RFX6: variants seen among roughly 807,000 people sequenced by gnomAD.
RFX6 encodes the protein regulatory factor X6, also known as DNA-binding protein RFX6.
In RFX6, 50 loss-of-function variants were observed where a neutral mutation model predicts 110.8. The ratio of observed to expected loss-of-function variants is 0.45; its 90% confidence interval spans 0.36 to 0.57. The LOEUF (loss-of-function observed/expected upper bound fraction) is 0.57, where lower values mean the gene tolerates loss of function less well. RFX6 is among the 20% of genes least tolerant of loss of function. The probability of loss-of-function intolerance (pLI) is 0.00; values close to 1 mark genes in which losing one functional copy is unlikely to be tolerated. For missense variants in RFX6, 990 were observed against 1,127.0 expected (o/e 0.88, Z 1.74); for synonymous variants, 383 against 411.2 (o/e 0.93, Z 0.83).
At position 116,927,615 on chromosome 6, in the gene RFX6, T is replaced by G. The variant is rs889326383; in HGVS notation, c.2398+76T>G. 1.6e-5 allele frequency: 19 copies of G among 1,184,362 alleles called. No individual in the cohort carries two copies. The African/African-American group carries it at 2.9e-4, about 18-fold the overall frequency. 73.4% of individuals were successfully genotyped at this position (1,184,362 alleles called of 1,614,324 possible). A position where few individuals can be genotyped will look rare whatever the true frequency, so the allele number is the denominator to read the frequency against. ...AAAATCAGACATTGCGTTCCACCTC[T>G]GCTGACTAGCATGTCCTTTCATTTA... On this transcript the variant is annotated intron_variant, in intron 17 of 18. Transcript: ENST00000332958.
chr6:116,927,214 A>G lies in RFX6; in HGVS notation c.2073A>G (p.Gln691=), dbSNP rs748991247. 5.6e-6 allele frequency: 9 copies of G among 1,614,056 alleles called. No homozygotes were observed. In the South Asian group the frequency reaches 9.9e-5, roughly 18 times the overall value. Reference sequence around the variant, plus strand: ...AGCCCATTTATCCCACTCTCCCTCAAGCCAATCATGACTTTTATAGCACCA... The same window carrying G: ...AGCCCATTTATCCCACTCTCCCTCAGGCCAATCATGACTTTTATAGCACCA... ...YPEPIYPTLP[Q]ANHDFYSTSS... is the part of the protein sequence containing the mutation. The change falls in exon 17 of 19, where the codon CAA becomes CAG. Residue 691 remains glutamine (Q), a synonymous_variant. Coordinates refer to ENST00000332958, the MANE Select transcript of RFX6 (RefSeq NM_173560.4).
Position 116,877,256 on chromosome 6 carries a change from G to A in RFX6, c.-20G>A. On this transcript the variant is annotated 5_prime_UTR_variant, in exon 1 of 19. Coordinates refer to ENST00000332958, the MANE Select transcript of RFX6 (RefSeq NM_173560.4). ...GAACCGGCCGAGCGGCGCGCGCGGA[G>A]GTGTCCGGCGGCCAGGAGGATGGCC... 1 of 1,586,942 alleles carries A rather than the reference G, an allele frequency of 6.3e-7. No individual in the cohort carries two copies. The highest frequency in any genetic ancestry group is 8.6e-7 in the Non-Finnish European group (1 of 1,164,358).
chr6:116,922,235 G>C (rs1775616508), intron 13 of RFX6, 84 bp downstream of exon 13: 1 of 782,282 alleles, frequency 1.3e-6, no homozygotes. Context: ...TCTGGGGGGA[G>C]AGGGGTGGAA....
intron 12 of RFX6, 68 bp from the exon 13 acceptor site, chr6:116,921,974 T>G (rs939637904): frequency 2.6e-6 from 2 of 759,470 alleles, no homozygotes; most frequent in Non-Finnish European, 4.6e-6. Flanking sequence ...TTAGGTTTTC[T>G]CTTGGATTCC....
intron 5 of RFX6, among the ~76,000 whole-genome samples, chr6:116,894,641 C>T (rs1304344938): frequency 7.1e-6 from 1 of 140,800 alleles, no homozygotes; most frequent in Non-Finnish European, 1.6e-5. Flanking sequence ...AGTGAGGTTA[C>T]ATCTAATGAA....
At position 116,899,483 on chromosome 6, in the gene RFX6, C is replaced by T. The variant is rs575660877; in HGVS notation, c.672+4276C>T. Among the ~76,000 whole-genome samples the T allele has an allele frequency of 2.0e-5, 3 of 152,120 alleles. No individual in the cohort carries two copies. In the South Asian group the frequency reaches 6.2e-4, roughly 32 times the overall value. Reference sequence around the variant, plus strand: ...AACTGTAGATAGAACAAATCTGCAGCAGAGTTTAGGTACCTGACAAAAGAC... The same window carrying T: ...AACTGTAGATAGAACAAATCTGCAGTAGAGTTTAGGTACCTGACAAAAGAC... On this transcript the variant is annotated intron_variant, in intron 6 of 18. Transcript: ENST00000332958.
At chr6:116,923,361 G>T in intron 14 of RFX6, 137 bp downstream of exon 14, 1 of 680,896 alleles carries the variant, frequency 1.5e-6, no homozygotes, top group South Asian at 1.6e-5. Flanking sequence ...TGAGAAAATG[G>T]TATTTATGAG....
intron 14 of RFX6, chr6:116,923,598 C>T (rs890135790): frequency 2.4e-5 from 5 of 209,912 alleles, no homozygotes; most frequent in Non-Finnish European, 4.8e-5. Context: ...GATAAATTTT[C>T]TTTGTTAAAC....
intron 4 of RFX6, among the ~76,000 whole-genome samples, chr6:116,893,345 C>T (rs1355647438): frequency 6.6e-6 from 1 of 152,168 alleles, no homozygotes; most frequent in Non-Finnish European, 1.5e-5. Context: ...CAGTGAGTTG[C>T]TATACTTGTA....
chr6:116,927,633 T>C, intron 17 of RFX6, 94 bp downstream of exon 17: 1 of 990,866 alleles, frequency 1.0e-6, no homozygotes, highest in Non-Finnish European at 1.6e-6. Context: ...AGCATGTCCT[T>C]TCATTTAAGG....
intron 4 of RFX6, among the ~76,000 whole-genome samples, chr6:116,888,373 TGTG>T (rs1193608637): frequency 3.3e-5 from 5 of 152,242 alleles, no homozygotes; most frequent in Admixed American, 2.0e-4. Context: ...CACATTAAAA[TGTG>T]GTTACAAGCA....
intron 2 of RFX6, among the ~76,000 whole-genome samples, chr6:116,879,598 G>A (rs1240006832): frequency 1.3e-5 from 2 of 151,582 alleles, no homozygotes; most frequent in Non-Finnish European, 1.5e-5. Flanking sequence ...ATCTTTGAAG[G>A]GTTTCATCCA....
In RFX6 at chr6:116,882,416, G is replaced by A; in HGVS notation, c.554G>A (p.Arg185Lys). The A allele has an allele frequency of 1.2e-6, 2 of 1,612,086 alleles. No homozygotes were observed. Among genetic ancestry groups the A allele is most frequent in the Non-Finnish European group, 1.7e-6 (2 of 1,178,342 alleles). ...PLLTTRRLGT[R>K]GHSKYHYYGI... is the part of the protein sequence containing the mutation. ...CTAACAACAAGGCGGCTTGGAACAA[G>A]AGGCCATTCAAAGTAAGATACCAGT... Residue 185 changes from arginine to lysine, a missense_variant, in exon 4 of 19, where the codon AGA (arginine) becomes AAA (lysine). Arg to Lys is a conservative substitution (Grantham distance 26, BLOSUM62 2). Coordinates refer to ENST00000332958, the MANE Select transcript of RFX6 (RefSeq NM_173560.4).
chr6:116,880,691 G>T (rs762557693), intron 3 of RFX6, 24 bp downstream of exon 3: 1 of 1,612,574 alleles, frequency 6.2e-7, no homozygotes, highest in African/African-American at 1.3e-5. Flanking sequence ...ATTGGCTATA[G>T]TGACTTATAA....
At chr6:116,881,911 G>A (rs568138165) in intron 3 of RFX6, among the ~76,000 whole-genome samples, 41 of 152,158 alleles carry the variant, frequency 2.7e-4, no homozygotes, top group African/African-American at 9.1e-4. Flanking sequence ...AGCAACTTTA[G>A]AGAAAGGAAC....
In RFX6 at chr6:116,877,900, A is replaced by G; in HGVS notation, c.328A>G (p.Ile110Val). 6.2e-7 allele frequency: 1 copy of G among 1,614,206 alleles called. No homozygotes were observed. The highest frequency in any genetic ancestry group is 8.5e-7 in the Non-Finnish European group (1 of 1,180,022). ...TCAATACCTGTCTCAGAAGAAAACC[A>G]TCACGCAGATTGTGAAGGATAAAAA... Reference protein sequence around the residue: ...ADQYLSQKKTITQIVKDKKKQ... With the variant: ...ADQYLSQKKTVTQIVKDKKKQ... The change falls in exon 2 of 19, where the codon ATC (isoleucine) becomes GTC (valine). Residue 110 changes from isoleucine (I) to valine (V), a missense_variant. Transcript: ENST00000332958.
Position 116,905,907 on chromosome 6 carries a change from TA to T in RFX6, c.673-5024del, listed in dbSNP as rs1274294951. Among the ~76,000 whole-genome samples, 10 of 151,666 alleles carry T rather than the reference TA, an allele frequency of 6.6e-5. 1 individual carries two copies. In the Middle Eastern group the frequency reaches 0.01, roughly 155 times the overall value. On this transcript the variant is annotated intron_variant, in intron 6 of 18. Coordinates refer to ENST00000332958, the MANE Select transcript of RFX6 (RefSeq NM_173560.4). ...GTTACCTGTGTTTTAGTGTCCTATA[TA>T]AAATTTTTTTTCCAAATCACATGTT...
intron 6 of RFX6, among the ~76,000 whole-genome samples, chr6:116,900,114 G>T (rs1288656530): frequency 6.6e-6 from 1 of 152,196 alleles, no homozygotes; most frequent in Non-Finnish European, 1.5e-5. Context: ...TGGGAAGTTG[G>T]TGAAGGTAGG....
At position 116,877,397 on chromosome 6, in the gene RFX6, C is replaced by G. The variant is rs1177474267; in HGVS notation, c.122C>G (p.Pro41Arg). Residue 41 changes from proline to arginine, a missense_variant, in exon 1 of 19, where the codon CCG (proline) becomes CGG (arginine). Around this residue, in one of 5 missense-constraint regions of RFX6, gnomAD observed 175 missense variants for 162.3 expected, o/e 1.08. Transcript: ENST00000332958. ...QLLGKGLLVY[P>R]EETVYLAAEG... Reference sequence around the variant, plus strand: ...CTGGGCAAGGGCTTGCTAGTCTATCCGGAAGAAACAGTGTACCTGGCGGCC... The same window carrying G: ...CTGGGCAAGGGCTTGCTAGTCTATCGGGAAGAAACAGTGTACCTGGCGGCC... 1.9e-6 allele frequency: 3 copies of G among 1,607,764 alleles called. No homozygotes were observed. The highest frequency in any genetic ancestry group is 1.3e-5 in the African/African-American group (1 of 74,766).
Sources: gnomAD v4.1 joint callset for allele counts (sites outside exome capture counted in the v4.1 genomes callset) on GRCh38, gnomAD v4.1.1 for gene constraint, gnomAD v4.1.1 regional missense constraint, MANE v1.5 for transcripts, NCBI Gene and HGNC (gene_info 2026-07-23, HGNC 2026-07-21) for gene names.